Variants in TRIM24 observed in about 807,000 individuals in gnomAD.
TRIM24 encodes tripartite motif containing 24, also known as transcription intermediary factor 1-alpha.
Under a neutral mutation model 123.9 loss-of-function variants are expected in TRIM24, and 29 were observed. The ratio of observed to expected loss-of-function variants is 0.23; its 90% CI spans 0.17 to 0.32. TRIM24 has a LOEUF of 0.32. Ranked by LOEUF, TRIM24 falls within the 10% of genes least tolerant of loss-of-function variation. TRIM24 has a pLI of 1.00. For missense variants in TRIM24, 932 were observed against 1,295.3 expected, an observed-to-expected ratio of 0.72 and a Z score of 4.31; for synonymous variants, 456 against 461.1, an observed-to-expected ratio of 0.99 and a Z score of 0.14.
At chr7:138,556,856 T>A (rs1263617028) in intron 9 of TRIM24, among the ~76,000 whole-genome samples, 1 of 152,140 alleles carries the variant, frequency 6.6e-6, no homozygotes, top group East Asian at 1.9e-4. Flanking sequence ...AAAGGCTAGG[T>A]CCCAAACAAA....
At chr7:138,480,021 G>C (rs1018545177) in intron 1 of TRIM24, among the ~76,000 whole-genome samples, 1 of 152,080 alleles carries the variant, frequency 6.6e-6, no homozygotes, top group African/African-American at 2.4e-5. Context: ...GTTTCGCCAT[G>C]TTGGCCAGGC....
chr7:138,490,381 G>C (rs1795754413), intron 1 of TRIM24, among the ~76,000 whole-genome samples: 1 of 152,158 alleles, frequency 6.6e-6, no homozygotes, highest in Non-Finnish European at 1.5e-5. Flanking sequence ...TCTCCGTCCA[G>C]CTTTGTTCCG....
At chr7:138,564,217 A>T (rs527369740) in intron 9 of TRIM24, among the ~76,000 whole-genome samples, 1 of 152,274 alleles carries the variant, frequency 6.6e-6, no homozygotes, top group Non-Finnish European at 1.5e-5. Flanking sequence ...CCTGTTCATC[A>T]TAATAGATGG....
chr7:138,521,549 TAAAG>T (rs1351088667), intron 4 of TRIM24, among the ~76,000 whole-genome samples: 1 of 151,644 alleles, frequency 6.6e-6, no homozygotes, highest in Non-Finnish European at 1.5e-5. Flanking sequence ...GAAAAAGAAA[TAAAG>T]AACAGATGGA....
At chr7:138,466,001 GT>G (rs932018977) in intron 1 of TRIM24, among the ~76,000 whole-genome samples, 4 of 151,952 alleles carry the variant, frequency 2.6e-5, no homozygotes, top group Non-Finnish European at 4.4e-5. Flanking sequence ...GTCTTTAAAA[GT>G]TTTTTTTGTT....
intron 1 of TRIM24, among the ~76,000 whole-genome samples, chr7:138,477,261 A>G (rs1386712987): frequency 6.6e-6 from 1 of 152,182 alleles, no homozygotes; most frequent in Non-Finnish European, 1.5e-5. Flanking sequence ...CAGAGGTTGC[A>G]GTGAGCGGAG....
intron 6 of TRIM24, among the ~76,000 whole-genome samples, chr7:138,538,051 A>G (rs1796930701): frequency 6.6e-6 from 1 of 152,164 alleles, no homozygotes. Flanking sequence ...AGAAATCTAT[A>G]TTCTTTTATG....
At chr7:138,512,697 GAGCCT>G (rs1361408227) in intron 2 of TRIM24, among the ~76,000 whole-genome samples, 1 of 152,072 alleles carries the variant, frequency 6.6e-6, no homozygotes, top group Non-Finnish European at 1.5e-5. Flanking sequence ...GTGAGCCCCT[GAGCCT>G]GGCCTGGCCT....
rs568736373 is a variant in TRIM24 at position 138,535,527 on chromosome 7, G to A, written c.997-3130G>A. ...TGGGTTGAAAATTCTTTTCTTTAAG[G>A]CTGTTGAATATTGGCCCCTACTCTC... On this transcript the variant is annotated intron_variant, in intron 6 of 18. Transcript: ENST00000343526. Among the ~76,000 whole-genome samples, 337 of 152,102 alleles carry A rather than the reference G, an allele frequency of 2.2e-3. 2 individuals carry two copies. Among genetic ancestry groups the A allele is most frequent in the Middle Eastern group, 0.014 (4 of 294 alleles).
At chr7:138,559,033 A>G (rs1343681622) in intron 9 of TRIM24, among the ~76,000 whole-genome samples, 4 of 152,216 alleles carry the variant, frequency 2.6e-5, no homozygotes, top group African/African-American at 4.8e-5. Context: ...GTATAAGGAT[A>G]TGACCTCCCC....
intron 1 of TRIM24, among the ~76,000 whole-genome samples, chr7:138,494,358 A>C (rs1244019190): frequency 6.6e-6 from 1 of 151,690 alleles, no homozygotes; most frequent in Non-Finnish European, 1.5e-5. Flanking sequence ...GCCTCGAGTG[A>C]CCCTCCCGCC....
chr7:138,582,573 T>G (rs1047734019), intron 17 of TRIM24, among the ~76,000 whole-genome samples: 1 of 149,906 alleles, frequency 6.7e-6, no homozygotes, highest in African/African-American at 2.5e-5. Flanking sequence ...TGATGTGACT[T>G]TAACGCATAA....
intron 14 of TRIM24, among the ~76,000 whole-genome samples, chr7:138,578,643 G>A (rs963439897): frequency 6.6e-6 from 1 of 151,836 alleles, no homozygotes; most frequent in African/African-American, 2.4e-5. Flanking sequence ...TCACTAGTAA[G>A]GATTATAGAT....
chr7:138,493,276 A>G (rs374979363), intron 1 of TRIM24, among the ~76,000 whole-genome samples: 21 of 152,202 alleles, frequency 1.4e-4, no homozygotes, highest in African/African-American at 4.8e-4. Flanking sequence ...TTTTTTTCCT[A>G]TGAACCAGCT....
chr7:138,550,771 T>G (rs953836717), intron 7 of TRIM24, among the ~76,000 whole-genome samples: 1 of 152,210 alleles, frequency 6.6e-6, no homozygotes, highest in African/African-American at 2.4e-5. Flanking sequence ...TAAGATACAT[T>G]AATAATTTTT....
intron 1 of TRIM24, among the ~76,000 whole-genome samples, chr7:138,502,741 C>T (rs1333968518): frequency 6.6e-6 from 1 of 152,122 alleles, no homozygotes; most frequent in East Asian, 1.9e-4. Context: ...TGACATCTTT[C>T]CAGATTTTAA....
intron 1 of TRIM24, among the ~76,000 whole-genome samples, chr7:138,470,690 C>T (rs1052612080): frequency 6.6e-6 from 1 of 152,134 alleles, no homozygotes; most frequent in African/African-American, 2.4e-5. Flanking sequence ...TTTCAATTAA[C>T]GACAGAGACA....
rs1221265167 is a variant in TRIM24, at chr7:138,574,647, AAAT to A, written c.2014+1011_2014+1013del. ...TAAGTTACTGAATTAGCTAAGACTT[AAAT>A]AATAAAAATAGTCATTGAGAATGTG... On this transcript the variant is annotated intron_variant, in intron 12 of 18. Coordinates refer to ENST00000343526, the MANE Select transcript of TRIM24 (RefSeq NM_015905.3). Among the ~76,000 whole-genome samples, 18 of 152,328 alleles carry A rather than the reference AAAT, an allele frequency of 1.2e-4. No individual in the cohort carries two copies. The East Asian group carries it at 3.5e-3, about 29-fold the overall frequency.
intron 6 of TRIM24, among the ~76,000 whole-genome samples, chr7:138,532,293 G>A (rs1430089275): frequency 1.3e-5 from 2 of 152,022 alleles, no homozygotes; most frequent in Non-Finnish European, 2.9e-5. Flanking sequence ...CCTTGCCCAT[G>A]CCTATTTCCT....
Sources: allele counts gnomAD v4.1 joint callset (sites outside exome capture counted in the v4.1 genomes callset), GRCh38; gene constraint gnomAD v4.1.1; transcripts MANE v1.5; gene names NCBI Gene and HGNC (gene_info 2026-07-23, HGNC 2026-07-21).